Variants in ARHGEF40 observed in about 807,000 individuals in gnomAD.
The protein encoded by ARHGEF40 is Rho guanine nucleotide exchange factor 40.
In ARHGEF40, 98 loss-of-function variants were observed where a neutral mutation model predicts 165.9. The observed-to-expected ratio is 0.59, with a 90% CI of 0.50 to 0.70. ARHGEF40 has a LOEUF of 0.70. ARHGEF40 is among the 30% of genes least tolerant of loss of function. ARHGEF40 has a pLI of 0.00. For missense variants in ARHGEF40, 1,815 were observed against 1,968.0 expected, an observed-to-expected ratio of 0.92 and a Z score of 1.47; for synonymous variants, 792 against 814.3, an observed-to-expected ratio of 0.97 and a Z score of 0.47.
chr14:21,068,149 G>A (rs1477401657), upstream of ARHGEF40, among the ~76,000 whole-genome samples: 3 of 49,132 alleles, frequency 6.1e-5, 1 homozygote, highest in South Asian at 6.4e-4. Context: ...ACAGGCGCCC[G>A]CTACCACGCC....
rs1432835952 is a variant in ARHGEF40 at position 21,076,471 on chromosome 14, A to G, written c.1836+15A>G. The G allele has an allele frequency of 6.2e-7, 1 of 1,614,070 alleles. No homozygotes were observed. The highest frequency in any genetic ancestry group is 8.5e-7 in the Non-Finnish European group (1 of 1,179,980). On this transcript the variant is annotated intron_variant, in intron 6 of 23. Transcript: ENST00000298694. ...GCCAACTTCAGGTAACCACCCCTCA[A>G]ACAGGCAGTTCCCCTGGATCCTAAC...
At chr14:21,086,008 A>T in intron 19 of ARHGEF40, 142 bp downstream of exon 19, 1 of 1,014,516 alleles carries the variant, frequency 9.9e-7, no homozygotes, top group Non-Finnish European at 1.4e-6. Flanking sequence ...ATTTGGCTTG[A>T]GAGATTACTG....
upstream of ARHGEF40, among the ~76,000 whole-genome samples, chr14:21,066,663 G>C (rs891976537): frequency 6.6e-6 from 1 of 152,182 alleles, no homozygotes; most frequent in Non-Finnish European, 1.5e-5. Context: ...AGATTACTCT[G>C]GCTATGGTGC....
chr14:21,081,895 G>A lies in ARHGEF40; in HGVS notation c.3027G>A (p.Leu1009=). The change falls in exon 14 of 24, where the codon CTG becomes CTA. Residue 1009 remains leucine (L), a synonymous_variant. Transcript: ENST00000298694. ...GPRPAPSHCS[L]APCGEDYEEE... ...GGCCAGCCCCATCCCATTGCTCCCT[G>A]GCCCCATGTGGAGAGGACTATGAGG... 1 of 1,613,376 alleles carries A rather than the reference G, an allele frequency of 6.2e-7. No homozygotes were observed. Among genetic ancestry groups the A allele is most frequent in the Non-Finnish European group, 8.5e-7 (1 of 1,179,890 alleles).
At chr14:21,067,628 G>A (rs1054271918), upstream of ARHGEF40, among the ~76,000 whole-genome samples, 7 of 152,130 alleles carry the variant, frequency 4.6e-5, no homozygotes, top group Non-Finnish European at 1.0e-4. Context: ...AATATGGTAA[G>A]AACTGTTTGT....
At chr14:21,086,414 A>G (rs1888339363) in intron 19 of ARHGEF40, 1 of 153,022 alleles carries the variant, frequency 6.5e-6, no homozygotes, top group Non-Finnish European at 1.5e-5. Flanking sequence ...AATAAAGCAA[A>G]TGGCTGGGAA....
Position 21,074,719 on chromosome 14 carries a change from T to G in ARHGEF40, c.989T>G (p.Val330Gly). Residue 330 changes from valine (V) to glycine (G), a missense_variant, in exon 3 of 24, where the codon GTC (valine) becomes GGC (glycine). Val to Gly is a moderately radical substitution (Grantham distance 109, BLOSUM62 -3). Coordinates refer to ENST00000298694, the MANE Select transcript of ARHGEF40 (RefSeq NM_018071.5). The surrounding 1 kb of genome is among the most constrained non-coding windows in gnomAD (Gnocchi z 4.8). ...GCTGAGGCTGTCCCAGAGGCAGCAG[T>G]CTTGGAGGTGTCTGAGCCCCCAGCA... ...PGAEAVPEAA[V>G]LEVSEPPAEA... 2 of 1,600,596 alleles carry G rather than the reference T, an allele frequency of 1.2e-6. No individual in the cohort carries two copies. The highest frequency in any genetic ancestry group is 1.7e-6 in the Non-Finnish European group (2 of 1,174,606).
chr14:21,078,429 G>C lies in ARHGEF40; in HGVS notation c.2187G>C (p.Thr729=), dbSNP rs763814271. 33 of 1,611,240 alleles carry C rather than the reference G, an allele frequency of 2.0e-5. No individual in the cohort carries two copies. The highest frequency in any genetic ancestry group is 2.7e-5 in the African/African-American group (2 of 74,900). ...LQKVLADPRL[T]ALQRDGGAIL... is the part of the protein sequence containing the mutation. ...AGGTGCTGGCAGATCCCCGGCTGAC[G>C]GCACTGCAGAGGGATGGGGGGGCCA... Residue 729 remains threonine (T), a synonymous_variant, in exon 10 of 24, where the codon ACG becomes ACC. Transcript: ENST00000298694.
upstream of ARHGEF40, among the ~76,000 whole-genome samples, chr14:21,066,491 T>C (rs996094289): frequency 2.6e-4 from 40 of 152,258 alleles, no homozygotes; most frequent in African/African-American, 8.7e-4. Context: ...AGCTAATTTT[T>C]GTATTTTTAG....
In ARHGEF40 at chr14:21,089,771, T is replaced by G. The variant is rs1389228789; in HGVS notation, c.*763T>G. ...TCCACACACTCTCTGAAGCTCCTTCTCCCACACTGCACCTACTCCTTGAGG... is the reference window on the plus strand; with the variant it reads ...TCCACACACTCTCTGAAGCTCCTTCGCCCACACTGCACCTACTCCTTGAGG... On this transcript the variant is annotated 3_prime_UTR_variant, in exon 24 of 24. Coordinates refer to ENST00000298694, the MANE Select transcript of ARHGEF40 (RefSeq NM_018071.5). 2.0e-5 allele frequency: 3 copies of G among 152,880 alleles called. No individual in the cohort carries two copies. The highest frequency in any genetic ancestry group is 2.9e-5 in the Non-Finnish European group (2 of 68,552). 9.5% of individuals were successfully genotyped at this position (152,880 alleles called of 1,614,324 possible). A position where few individuals can be genotyped will look rare whatever the true frequency, so the allele number is the denominator to read the frequency against.
chr14:21,088,126 A>G (rs1293017115), intron 22 of ARHGEF40, 28 bp downstream of exon 22: 1 of 1,585,388 alleles, frequency 6.3e-7, no homozygotes, highest in African/African-American at 1.4e-5. Context: ...GGCTGGGAAC[A>G]ATGTGATCTC....
chr14:21,075,192 C>T lies in ARHGEF40; in HGVS notation c.1450+12C>T, dbSNP rs746241506. 1.8e-5 allele frequency: 29 copies of T among 1,584,672 alleles called. No individual in the cohort carries two copies. In the African/African-American group the frequency reaches 2.7e-4, roughly 15 times the overall value. ...GCTGTGTATGGCAGGTGAGATGACACGGAGTGAGGCTCATGGGGCAAGGGC... is the reference window on the plus strand; with the variant it reads ...GCTGTGTATGGCAGGTGAGATGACATGGAGTGAGGCTCATGGGGCAAGGGC... On this transcript the variant is annotated intron_variant, in intron 3 of 23. Transcript: ENST00000298694. The surrounding 1 kb of genome is among the most constrained non-coding windows in gnomAD (Gnocchi z 4.5).
At chr14:21,087,856 C>T (rs1316772400) in intron 21 of ARHGEF40, 112 bp from the exon 22 acceptor site, 5 of 1,467,826 alleles carry the variant, frequency 3.4e-6, no homozygotes, top group Non-Finnish European at 4.7e-6. Flanking sequence ...GCTATGGTGA[C>T]TCACAGCTTC....
At chr14:21,069,996 GA>G (rs1379618991), upstream of ARHGEF40, among the ~76,000 whole-genome samples, 1 of 152,216 alleles carries the variant, frequency 6.6e-6, no homozygotes, top group African/African-American at 2.4e-5. Context: ...GCCGTGGCGG[GA>G]AAAGAGGGGC....
In ARHGEF40 at chr14:21,079,005, C is replaced by T; in HGVS notation, c.2368C>T (p.Gln790Ter). Residue 790 changes from glutamine (Q) to a stop codon, truncating the protein, a stop_gained, in exon 11 of 24, where the codon CAG becomes TAG. Transcript: ENST00000298694. LOFTEE classifies it high-confidence loss of function. ...GCAGCGGCAGTGCCTGCGGCGACTC[C>T]AGCAGGTGAGCCAGGATCCCCACGT... Reference protein sequence around the residue: ...QEQRQCLRRLQQVLQWLSGPG... With the variant: ...QEQRQCLRRL 2 of 1,612,256 alleles carry T rather than the reference C, an allele frequency of 1.2e-6. No individual in the cohort carries two copies. Among genetic ancestry groups the T allele is most frequent in the Non-Finnish European group, 1.7e-6 (2 of 1,178,952 alleles).
At chr14:21,078,568 C>A (rs1393930801) in intron 10 of ARHGEF40, 80 bp downstream of exon 10, 16 of 1,372,846 alleles carry the variant, frequency 1.2e-5, no homozygotes, top group Non-Finnish European at 1.5e-5. Context: ...ACCTTAGCTG[C>A]CAGACCATTC....
At position 21,070,897 on chromosome 14, in the gene ARHGEF40, G is replaced by A. The variant is rs748167193; in HGVS notation, c.3+498G>A. ...GGCAGGCCCACCCATCCGGCCCTAGGGGACTGGCCACAGCTGTGGCTGGGC... is the reference window on the plus strand; with the variant it reads ...GGCAGGCCCACCCATCCGGCCCTAGAGGACTGGCCACAGCTGTGGCTGGGC... On this transcript the variant is annotated intron_variant, in intron 1 of 23. Transcript: ENST00000298694. The surrounding 1 kb of genome is among the most constrained non-coding windows in gnomAD (Gnocchi z 4.7). 3.9e-6 allele frequency: 6 copies of A among 1,532,748 alleles called. No individual in the cohort carries two copies. The South Asian group carries it at 6.0e-5, about 15-fold the overall frequency. The allele number at this position is 1,532,748 out of a possible 1,614,324, so 94.9% of individuals were successfully genotyped here.
Position 21,074,539 on chromosome 14 carries a change from C to G in ARHGEF40, c.809C>G (p.Thr270Arg), listed in dbSNP as rs777535115. The change falls in exon 3 of 24, where the codon ACG (threonine) becomes AGG (arginine). Residue 270 changes from threonine to arginine, a missense_variant. By Grantham distance (71) the Thr-to-Arg change is moderately conservative. Transcript: ENST00000298694. The surrounding 1 kb of genome is among the most constrained non-coding windows in gnomAD (Gnocchi z 4.8). ...TCCCCAGGCCTCTCCAGAGTCCGGACGGTACCCACCCGCAAGGGCGCTGGA... is the reference window on the plus strand; with the variant it reads ...TCCCCAGGCCTCTCCAGAGTCCGGAGGGTACCCACCCGCAAGGGCGCTGGA... The part of the protein sequence containing the change: ...EGSPGLSRVR[T>R]VPTRKGAGGK... The G allele has an allele frequency of 6.4e-7, 1 of 1,550,650 alleles. No individual in the cohort carries two copies. Among genetic ancestry groups the G allele is most frequent in the Non-Finnish European group, 8.7e-7 (1 of 1,148,092 alleles).
upstream of ARHGEF40, among the ~76,000 whole-genome samples, chr14:21,065,617 G>A (rs1314597306): frequency 6.6e-6 from 1 of 152,218 alleles, no homozygotes; most frequent in Non-Finnish European, 1.5e-5. Context: ...GACAATGGGT[G>A]AGAGACCACT....
Sources: gnomAD v4.1 joint callset for allele counts (sites outside exome capture counted in the v4.1 genomes callset) on GRCh38, gnomAD v4.1.1 for gene constraint, Gnocchi (gnomAD v3.1) non-coding constraint, MANE v1.5 for transcripts, NCBI Gene and HGNC (gene_info 2026-07-23, HGNC 2026-07-21) for gene names.